Variants in SLC26A7 observed in about 807,000 individuals in gnomAD.
SLC26A7 encodes the protein anion exchange transporter.
A neutral mutation model predicts 82.5 loss-of-function variants in SLC26A7; 59 were observed. That is an observed-to-expected ratio of 0.72 (90% CI 0.58 to 0.89). The LOEUF is 0.89. SLC26A7 is among the 40% of genes least tolerant of loss of function. The probability of loss-of-function intolerance (pLI) is 0.00; values close to 1 mark genes in which losing one functional copy is unlikely to be tolerated. For missense variants in SLC26A7, 820 were observed against 793.0 expected (o/e 1.03, Z -0.41); for synonymous variants, 271 against 274.3 (o/e 0.99, Z 0.12).
intron 2 of SLC26A7, among the ~76,000 whole-genome samples, chr8:91,256,304 C>T (rs559723707): frequency 1.0e-3 from 158 of 152,136 alleles, no homozygotes; most frequent in African/African-American, 3.8e-3. Flanking sequence ...GTTATTGGAC[C>T]AGGTGAAGGT....
chr8:91,289,124 T>C lies in SLC26A7; in HGVS notation c.194-12T>C. The C allele has an allele frequency of 1.9e-6, 3 of 1,597,166 alleles. No individual in the cohort carries two copies. The highest frequency in any genetic ancestry group is 2.6e-6 in the Non-Finnish European group (3 of 1,164,738). On this transcript the variant is annotated splice_polypyrimidine_tract_variant and intron_variant, in intron 2 of 18. Coordinates refer to ENST00000276609, the MANE Select transcript of SLC26A7 (RefSeq NM_052832.4). Reference sequence around the variant, plus strand: ...TATAAGGTGGTTTTAATTACCCTAGTCTTCTTCACAGGATTGGCCTTTGCT... The same window carrying C: ...TATAAGGTGGTTTTAATTACCCTAGCCTTCTTCACAGGATTGGCCTTTGCT...
chr8:91,293,988 C>T (rs975940473), intron 3 of SLC26A7, among the ~76,000 whole-genome samples: 7 of 152,158 alleles, frequency 4.6e-5, no homozygotes, highest in African/African-American at 1.7e-4. Flanking sequence ...AGTTATATTA[C>T]ATTAGTTTCT....
chr8:91,309,578 A>C (rs1054959215), intron 4 of SLC26A7, among the ~76,000 whole-genome samples: 4 of 152,148 alleles, frequency 2.6e-5, no homozygotes, highest in African/African-American at 9.7e-5. Context: ...ACAGGTCTGC[A>C]GCAACCTCAA....
chr8:91,341,671 G>A (rs1296461215), intron 8 of SLC26A7, among the ~76,000 whole-genome samples: 1 of 152,094 alleles, frequency 6.6e-6, no homozygotes, highest in South Asian at 2.1e-4. Flanking sequence ...TCTTTTACTC[G>A]AAACTTCCCA....
Position 91,315,164 on chromosome 8 carries a change from C to A in SLC26A7, c.478-3052C>A, listed in dbSNP as rs189178805. On this transcript the variant is annotated intron_variant, in intron 4 of 18. Coordinates refer to ENST00000276609, the MANE Select transcript of SLC26A7 (RefSeq NM_052832.4). ...CTCAAGATTACTTGGCATACTGATG[C>A]AAACTTTCCAACATTCCAAGTATGC... Among the ~76,000 whole-genome samples, 418 of 152,240 alleles carry A rather than the reference C, an allele frequency of 2.7e-3. 7 individuals are homozygous for A. The highest frequency in any genetic ancestry group is 0.027 in the South Asian group (131 of 4,822).
At chr8:91,335,976 C>T (rs950708159) in intron 6 of SLC26A7, among the ~76,000 whole-genome samples, 12 of 152,090 alleles carry the variant, frequency 7.9e-5, no homozygotes, top group African/African-American at 2.7e-4. Context: ...TGGACACCTC[C>T]GTCCTCACTT....
At chr8:91,249,483 G>A (rs1156900728) in intron 1 of SLC26A7, 56 bp from the exon 2 acceptor site, 5 of 434,304 alleles carry the variant, frequency 1.2e-5, no homozygotes, top group African/African-American at 6.2e-5. Context: ...ATATATTGAA[G>A]TGCTTCTGTT....
At chr8:91,303,024 G>A (rs962935393) in intron 4 of SLC26A7, among the ~76,000 whole-genome samples, 7 of 152,062 alleles carry the variant, frequency 4.6e-5, no homozygotes, top group East Asian at 1.9e-4. Context: ...TCTAAGGCAC[G>A]TTGTCTCATA....
At chr8:91,331,341 A>C (rs1312613500) in intron 5 of SLC26A7, among the ~76,000 whole-genome samples, 1 of 152,176 alleles carries the variant, frequency 6.6e-6, no homozygotes, top group Non-Finnish European at 1.5e-5. Flanking sequence ...TTTGTCTAAA[A>C]TAATGAATTT....
At chr8:91,211,749 C>T (rs1489063799) in intron 1 of SLC26A7, among the ~76,000 whole-genome samples, 1 of 151,440 alleles carries the variant, frequency 6.6e-6, no homozygotes, top group Non-Finnish European at 1.5e-5. Context: ...GAAGGGAGAA[C>T]ATATTTGATA....
intron 5 of SLC26A7, among the ~76,000 whole-genome samples, chr8:91,323,899 A>G (rs147918418): frequency 7.6e-4 from 113 of 148,240 alleles, no homozygotes; most frequent in African/African-American, 2.7e-3. Flanking sequence ...GCTCACTGCA[A>G]CCTCCACCTC....
chr8:91,261,651 G>A (rs78074641), intron 2 of SLC26A7, among the ~76,000 whole-genome samples: 69 of 152,176 alleles, frequency 4.5e-4, no homozygotes, highest in Admixed American at 1.2e-3. Flanking sequence ...ATATGATGTA[G>A]AATTTTAAGA....
intron 2 of SLC26A7, among the ~76,000 whole-genome samples, chr8:91,284,466 C>T (rs1398190838): frequency 6.6e-6 from 1 of 152,168 alleles, no homozygotes; most frequent in East Asian, 1.9e-4. Flanking sequence ...AAACTTAATT[C>T]TACAAAGCTT....
chr8:91,279,896 A>T (rs1322499788), intron 2 of SLC26A7, among the ~76,000 whole-genome samples: 1 of 152,030 alleles, frequency 6.6e-6, no homozygotes, highest in Non-Finnish European at 1.5e-5. Flanking sequence ...GGTCCTTTGT[A>T]TGTCTTCTTC....
At chr8:91,209,869 A>C (rs1809875035) in intron 1 of SLC26A7, among the ~76,000 whole-genome samples, 1 of 152,206 alleles carries the variant, frequency 6.6e-6, no homozygotes, top group Non-Finnish European at 1.5e-5. Flanking sequence ...GTGCTTTTCC[A>C]CTTACAAAAT....
intron 1 of SLC26A7, among the ~76,000 whole-genome samples, chr8:91,217,115 T>C (rs919843262): frequency 4.6e-5 from 7 of 152,124 alleles, no homozygotes; most frequent in Non-Finnish European, 7.4e-5. Flanking sequence ...TGTGTGTGTG[T>C]GTATGATTAT....
chr8:91,309,534 C>G (rs993211697), intron 4 of SLC26A7, among the ~76,000 whole-genome samples: 1 of 151,868 alleles, frequency 6.6e-6, no homozygotes, highest in Non-Finnish European at 1.5e-5. Flanking sequence ...TATTGCAATT[C>G]CAGTATATTT....
intron 5 of SLC26A7, among the ~76,000 whole-genome samples, chr8:91,331,663 T>C (rs1813085377): frequency 6.6e-6 from 1 of 152,156 alleles, no homozygotes. Context: ...TATATACACA[T>C]TGTGAAATGA....
At chr8:91,331,937 A>G (rs777983551) in intron 5 of SLC26A7, among the ~76,000 whole-genome samples, 10 of 151,866 alleles carry the variant, frequency 6.6e-5, no homozygotes, top group Middle Eastern at 3.4e-3. Context: ...TTTATTGACC[A>G]TTTGTATTTC....
Sources: allele counts gnomAD v4.1 joint callset (sites outside exome capture counted in the v4.1 genomes callset), GRCh38; gene constraint gnomAD v4.1.1; transcripts MANE v1.5; gene names NCBI Gene and HGNC (gene_info 2026-07-23, HGNC 2026-07-21).